The following MACF1 variants were observed in gnomAD, a reference collection of about 807,000 sequenced individuals.
The protein encoded by MACF1 is microtubule-actin cross-linking factor 1.
MACF1 carries 193 observed loss-of-function variants against 854.8 expected under a neutral mutation model. That is an observed-to-expected ratio of 0.23 (90% CI 0.20 to 0.25). The LOEUF (loss-of-function observed/expected upper bound fraction) is 0.25. Ranked by LOEUF, MACF1 falls within the 10% of genes least tolerant of loss-of-function variation. The pLI is 1.00. For missense variants in MACF1, 7,722 were observed against 8,929.1 expected (o/e 0.86, Z 5.45); for synonymous variants, 3,185 against 3,226.7 (o/e 0.99, Z 0.44).
intron 6 of MACF1, among the ~76,000 whole-genome samples, chr1:39,265,357 G>C (rs937928104): frequency 2.0e-5 from 3 of 152,098 alleles, no homozygotes; most frequent in African/African-American, 4.8e-5. Context: ...AAAGGAGAAG[G>C]CATAAAGAAT....
chr1:39,109,154 C>T (rs1401576997), intron 2 of MACF1, among the ~76,000 whole-genome samples: 3 of 152,166 alleles, frequency 2.0e-5, no homozygotes, highest in Admixed American at 2.0e-4. Context: ...AAAGATTTCT[C>T]TCATCTTTTG....
intron 91 of MACF1, chr1:39,459,758 C>T: frequency 4.2e-6 from 5 of 1,181,908 alleles, no homozygotes; most frequent in Non-Finnish European, 3.4e-6. Context: ...TACTATGCTT[C>T]CTAGTTTCTA....
At chr1:39,111,277 C>T (rs1642395917) in intron 2 of MACF1, among the ~76,000 whole-genome samples, 1 of 152,160 alleles carries the variant, frequency 6.6e-6, no homozygotes, top group Non-Finnish European at 1.5e-5. Context: ...CTCACTCTAA[C>T]CTCAAACCCC....
intron 24 of MACF1, 92 bp downstream of exon 24, chr1:39,309,788 C>T: frequency 7.2e-7 from 1 of 1,392,586 alleles, no homozygotes. Flanking sequence ...TTTTCCCCAC[C>T]CAAATGGAGT....
At chr1:39,450,293 C>T (rs1286762982) in intron 84 of MACF1, among the ~76,000 whole-genome samples, 8 of 129,852 alleles carry the variant, frequency 6.2e-5, no homozygotes, top group Middle Eastern at 3.8e-3. Context: ...ACACACTTGG[C>T]CTGTACTCCA....
In MACF1 at chr1:39,387,725, A is replaced by G; in HGVS notation, c.14883A>G (p.Ile4961Met). Reference protein sequence around the residue: ...EVEKRRSLLEILNSAADILIN... With the variant: ...EVEKRRSLLEMLNSAADILIN... ...AGAAGCGCCGCTCCCTGCTGGAAAT[A>G]TTGAATAGTGCTGCTGACATTCTGA... The change falls in exon 58 of 101, where the codon ATA becomes ATG. Residue 4961 changes from isoleucine to methionine, a missense_variant. Physicochemically the swap from Ile to Met is conservative, Grantham distance 10. Coordinates refer to ENST00000564288, the MANE Select transcript of MACF1 (RefSeq NM_001394062.1). 6.2e-7 allele frequency: 1 copy of G among 1,614,186 alleles called. No homozygotes were observed. The highest frequency in any genetic ancestry group is 1.7e-5 in the Admixed American group (1 of 60,008).
intron 2 of MACF1, among the ~76,000 whole-genome samples, chr1:39,127,061 A>T (rs1642879209): frequency 6.6e-6 from 1 of 151,834 alleles, no homozygotes; most frequent in African/African-American, 2.4e-5. Flanking sequence ...CGACTCTACT[A>T]AAAATAACAG....
In MACF1 at chr1:39,422,514, A is replaced by T. The variant is rs763738646; in HGVS notation, c.15957A>T (p.Arg5319=). ...ATGACATGGAAGAGATCAATGCTCGATGGAATACATTGAATAAAAAGGTGA... is the reference window on the plus strand; with the variant it reads ...ATGACATGGAAGAGATCAATGCTCGTTGGAATACATTGAATAAAAAGGTGA... The part of the protein sequence containing the change: ...LEHDMEEINA[R]WNTLNKKVAQ... The change falls in exon 59 of 101, where the codon CGA becomes CGT. Residue 5319 remains arginine, a synonymous_variant. Coordinates refer to ENST00000564288, the MANE Select transcript of MACF1 (RefSeq NM_001394062.1). 6.2e-7 allele frequency: 1 copy of T among 1,612,456 alleles called. No homozygotes were observed. Among genetic ancestry groups the T allele is most frequent in the South Asian group, 1.1e-5 (1 of 90,762 alleles).
rs537824159 is a variant in MACF1 at position 39,345,466 on chromosome 1, C to T, written c.10582-1511C>T. ...GTCTACAGATAACTTAAAAAATTAG[C>T]TGGGCATGGTGGTGCACACGTGTGG... On this transcript the variant is annotated intron_variant, in intron 40 of 100. Coordinates refer to ENST00000564288, the MANE Select transcript of MACF1 (RefSeq NM_001394062.1). Among the ~76,000 whole-genome samples the T allele has an allele frequency of 2.6e-5, 4 of 152,192 alleles. No homozygotes were observed. The East Asian group carries it at 7.8e-4, about 30-fold the overall frequency.
chr1:39,345,430 T>G (rs1169444043), intron 40 of MACF1, among the ~76,000 whole-genome samples: 1 of 151,528 alleles, frequency 6.6e-6, no homozygotes, highest in East Asian at 2.0e-4. Context: ...GGCAATGTGG[T>G]GAGACACCAT....
chr1:39,351,003 G>A lies in MACF1; in HGVS notation c.11184G>A (p.Gln3728=), dbSNP rs1260591704. The A allele has an allele frequency of 6.2e-7, 1 of 1,613,776 alleles. No homozygotes were observed. The highest frequency in any genetic ancestry group is 1.7e-5 in the Admixed American group (1 of 59,992). The change falls in exon 43 of 101, where the codon CAG becomes CAA. Residue 3728 remains glutamine (Q), a synonymous_variant. Transcript: ENST00000564288. ...ELEEAVTSAL[Q]QETEKSKAAK... is the part of the protein sequence containing the mutation. ...AGGAAGCAGTGACCTCCGCCTTACA[G>A]CAGGAGACTGAAAAGGTAATAGACT...
At chr1:39,251,239 T>C (rs1645037263) in intron 3 of MACF1, among the ~76,000 whole-genome samples, 1 of 152,192 alleles carries the variant, frequency 6.6e-6, no homozygotes, top group Admixed American at 6.5e-5. Context: ...CAGAAGCTTT[T>C]ATTAGCATAG....
intron 6 of MACF1, among the ~76,000 whole-genome samples, chr1:39,271,981 A>C (rs1418955731): frequency 2.6e-5 from 4 of 152,188 alleles, no homozygotes; most frequent in Non-Finnish European, 5.9e-5. Flanking sequence ...GTATGATTCA[A>C]ATTGGTGTGT....
intron 87 of MACF1, among the ~76,000 whole-genome samples, chr1:39,453,172 C>T (rs918947265): frequency 2.0e-5 from 3 of 152,196 alleles, no homozygotes; most frequent in African/African-American, 7.2e-5. Flanking sequence ...CCCAGCACCA[C>T]TTACTAAGCT....
rs928357099 is a variant in MACF1, at chr1:39,361,658, A to G, written c.12752A>G (p.His4251Arg). ...SGNQPDQDIT[H>R]FFQQIQELNL... Reference sequence around the variant, plus strand: ...AATCAGCCAGATCAAGATATTACACATTTCTTCCAACAGATCCAGGTGAGG... The same window carrying G: ...AATCAGCCAGATCAAGATATTACACGTTTCTTCCAACAGATCCAGGTGAGG... Residue 4251 changes from histidine to arginine, a missense_variant, in exon 49 of 101, where the codon CAT (histidine) becomes CGT (arginine). Physicochemically the swap from His to Arg is conservative, Grantham distance 29. Transcript: ENST00000564288. 5.6e-6 allele frequency: 9 copies of G among 1,614,064 alleles called. No individual in the cohort carries two copies. Among genetic ancestry groups the G allele is most frequent in the Admixed American group, 1.7e-5 (1 of 60,004 alleles).
chr1:39,308,191 A>G (rs1646229905), intron 23 of MACF1, among the ~76,000 whole-genome samples: 1 of 152,060 alleles, frequency 6.6e-6, no homozygotes, highest in South Asian at 2.1e-4. Flanking sequence ...GGCGTGAGCC[A>G]CCACGCCAGC....
intron 95 of MACF1, among the ~76,000 whole-genome samples, 192 bp from the exon 96 acceptor site, chr1:39,468,423 T>C (rs531985217): frequency 6.6e-6 from 1 of 152,320 alleles, no homozygotes; most frequent in East Asian, 1.9e-4. Context: ...CACCAGTCTT[T>C]AGCTTGATAT....
chr1:39,164,215 A>T (rs1643862410), intron 2 of MACF1, among the ~76,000 whole-genome samples: 1 of 152,060 alleles, frequency 6.6e-6, no homozygotes, highest in Non-Finnish European at 1.5e-5. Flanking sequence ...TTTTCTGTGC[A>T]TTTCTGATTT....
At position 39,357,491 on chromosome 1, in the gene MACF1, G is replaced by T. The variant is rs1301999057; in HGVS notation, c.11541G>T (p.Leu3847=). The T allele has an allele frequency of 1.2e-6, 2 of 1,614,160 alleles. No homozygotes were observed. Among genetic ancestry groups the T allele is most frequent in the East Asian group, 4.5e-5 (2 of 44,890 alleles). ...TCACACCTGAGGAGCAACAGATGCTGCAACAGAAGCTGGGAGAGCTAAAGG... is the reference window on the plus strand; with the variant it reads ...TCACACCTGAGGAGCAACAGATGCTTCAACAGAAGCTGGGAGAGCTAAAGG... The part of the protein sequence containing the change: ...HNLTPEEQQM[L]QQKLGELKEQ... The change falls in exon 45 of 101, where the codon CTG becomes CTT. Residue 3847 remains leucine, a synonymous_variant. Coordinates refer to ENST00000564288, the MANE Select transcript of MACF1 (RefSeq NM_001394062.1).
Sources: gnomAD v4.1 joint callset for allele counts (sites outside exome capture counted in the v4.1 genomes callset) on GRCh38, gnomAD v4.1.1 for gene constraint, MANE v1.5 for transcripts, NCBI Gene and HGNC (gene_info 2026-07-23, HGNC 2026-07-21) for gene names.